STXBP5L: variants seen among roughly 807,000 people sequenced by gnomAD.
The protein encoded by STXBP5L is syntaxin-binding protein 5-like.
Under a neutral mutation model 144.5 loss-of-function variants are expected in STXBP5L, and 65 were observed. The ratio of observed to expected loss-of-function variants is 0.45; its 90% CI spans 0.37 to 0.55. The LOEUF (loss-of-function observed/expected upper bound fraction) is 0.55, where lower values mean the gene tolerates loss of function less well. Ranked by LOEUF, STXBP5L falls within the 20% of genes least tolerant of loss-of-function variation. The pLI, the probability that STXBP5L is intolerant of heterozygous loss-of-function variation, is 0.00. For synonymous variants in STXBP5L, 505 were observed against 469.6 expected (o/e 1.08, Z -0.97); for missense variants, 1,298 against 1,405.5 (o/e 0.92, Z 1.22).
Position 121,212,572 on chromosome 3 carries a change from T to A in STXBP5L, c.956+6571T>A, listed in dbSNP as rs532148127. ...GACTCGGTTCTGTTCCATTGGTCTG[T>A]ATATCTGTTTTGATACCAGAAGCAT... On this transcript the variant is annotated intron_variant, in intron 10 of 26. Transcript: ENST00000471454. Among the ~76,000 whole-genome samples, 28 of 152,184 alleles carry A rather than the reference T, an allele frequency of 1.8e-4. 1 individual carries two copies. The South Asian group carries it at 4.8e-3, about 26-fold the overall frequency.
intron 5 of STXBP5L, among the ~76,000 whole-genome samples, chr3:121,053,420 C>A (rs1214219574): frequency 1.3e-5 from 2 of 152,068 alleles, no homozygotes; most frequent in Non-Finnish European, 2.9e-5. Context: ...CAGAACAGAG[C>A]CCTCAGAAAT....
At chr3:120,996,207 A>G (rs1943334248) in intron 3 of STXBP5L, among the ~76,000 whole-genome samples, 1 of 152,066 alleles carries the variant, frequency 6.6e-6, no homozygotes, top group South Asian at 2.1e-4. Flanking sequence ...TTAAAGCTTA[A>G]TTATGATGTG....
chr3:120,982,388 C>T (rs996415327), intron 3 of STXBP5L, among the ~76,000 whole-genome samples: 1 of 152,136 alleles, frequency 6.6e-6, no homozygotes, highest in Non-Finnish European at 1.5e-5. Context: ...ACATGAGTGG[C>T]AGGGAGAGCT....
Position 121,253,794 on chromosome 3 carries a change from C to A in STXBP5L, c.1442-1101C>A, listed in dbSNP as rs1003836532. 4.5e-5 allele frequency among the ~76,000 whole-genome samples: 6 copies of A among 132,880 alleles called. 1 individual carries two copies. Among genetic ancestry groups the A allele is most frequent in the African/African-American group, 1.5e-4 (5 of 32,532 alleles). 87.2% of individuals were successfully genotyped at this position (132,880 alleles called of 152,430 possible). On this transcript the variant is annotated intron_variant, in intron 15 of 26. Transcript: ENST00000471454. ...CACAGGCGCCCGCCACCACGCCCCG[C>A]TAATTTTTTTTTTTTCTTTTTTTTT...
At chr3:121,172,084 A>C (rs1299874497) in intron 9 of STXBP5L, among the ~76,000 whole-genome samples, 4 of 152,106 alleles carry the variant, frequency 2.6e-5, no homozygotes, top group Admixed American at 6.6e-5. Flanking sequence ...CAAACGTGAC[A>C]AAAACAAGCA....
At position 121,041,887 on chromosome 3, in the gene STXBP5L, T is replaced by C. The variant is rs1576751505; in HGVS notation, c.369+106T>C. On this transcript the variant is annotated intron_variant, in intron 4 of 26. Coordinates refer to ENST00000471454, the MANE Select transcript of STXBP5L (RefSeq NM_001308330.2). ...GTGATTCTAAATGCTTAAATATATA[T>C]GCATGCAATATTACTTCTGATTATA... The C allele has an allele frequency of 1.4e-5, 10 of 702,906 alleles. No homozygotes were observed. In the East Asian group the frequency reaches 2.7e-4, roughly 19 times the overall value. The allele number at this position is 702,906 out of a possible 1,614,324, so 43.5% of individuals were successfully genotyped here. A position where few individuals can be genotyped will look rare whatever the true frequency, so the allele number is the denominator to read the frequency against.
intron 2 of STXBP5L, among the ~76,000 whole-genome samples, chr3:120,918,505 C>G (rs759234487): frequency 2.6e-5 from 4 of 152,174 alleles, no homozygotes; most frequent in Non-Finnish European, 5.9e-5. Flanking sequence ...TTATTTGCTA[C>G]TCTTACATTT....
chr3:121,312,731 AC>A (rs1211331563), intron 19 of STXBP5L, among the ~76,000 whole-genome samples: 2 of 151,846 alleles, frequency 1.3e-5, no homozygotes, highest in Non-Finnish European at 2.9e-5. Context: ...AATCCATTTA[AC>A]GCTGAGTGGA....
intron 22 of STXBP5L, among the ~76,000 whole-genome samples, chr3:121,389,107 G>A (rs1224964068): frequency 2.0e-5 from 3 of 152,118 alleles, no homozygotes; most frequent in African/African-American, 4.8e-5. Flanking sequence ...CTTCTTCTTG[G>A]TTTAGTCTTG....
At chr3:121,126,956 A>G (rs778366128) in intron 7 of STXBP5L, among the ~76,000 whole-genome samples, 1 of 152,162 alleles carries the variant, frequency 6.6e-6, no homozygotes, top group Admixed American at 6.6e-5. Flanking sequence ...CTTTCTCACC[A>G]CAACTGGGAA....
chr3:121,179,292 C>T (rs1287025569), intron 9 of STXBP5L, among the ~76,000 whole-genome samples: 1 of 151,792 alleles, frequency 6.6e-6, no homozygotes, highest in Admixed American at 6.6e-5. Context: ...AAAGCCAGTG[C>T]ACAGAGACTT....
At chr3:121,385,384 T>C (rs1209128879) in intron 22 of STXBP5L, among the ~76,000 whole-genome samples, 1 of 152,120 alleles carries the variant, frequency 6.6e-6, no homozygotes, top group Non-Finnish European at 1.5e-5. Flanking sequence ...CCAGATCTTA[T>C]GTGAACTAGC....
chr3:121,077,826 CGATT>C (rs1379401145), intron 5 of STXBP5L, among the ~76,000 whole-genome samples: 1 of 151,990 alleles, frequency 6.6e-6, no homozygotes, highest in Admixed American at 6.5e-5. Context: ...GATAGAGTGT[CGATT>C]GGTGCATTCA....
intron 19 of STXBP5L, among the ~76,000 whole-genome samples, chr3:121,302,885 A>G (rs182064602): frequency 7.9e-5 from 12 of 152,320 alleles, no homozygotes; most frequent in African/African-American, 2.9e-4. Context: ...TTAATTCAAG[A>G]TGGATTAAAG....
At chr3:120,935,156 T>C (rs1399129289) in intron 2 of STXBP5L, among the ~76,000 whole-genome samples, 1 of 151,896 alleles carries the variant, frequency 6.6e-6, no homozygotes. Context: ...TCTTATTAAT[T>C]CTACTTATTT....
At chr3:120,966,536 G>A (rs946366188) in intron 3 of STXBP5L, among the ~76,000 whole-genome samples, 33 of 152,126 alleles carry the variant, frequency 2.2e-4, no homozygotes, top group African/African-American at 8.0e-4. Flanking sequence ...TAACAGTCAG[G>A]TCCCTCAACT....
At chr3:121,175,380 A>T (rs1231477890) in intron 9 of STXBP5L, among the ~76,000 whole-genome samples, 4 of 152,124 alleles carry the variant, frequency 2.6e-5, no homozygotes, top group African/African-American at 7.2e-5. Flanking sequence ...AAATATGTTC[A>T]TCTCCAAGCA....
intron 10 of STXBP5L, among the ~76,000 whole-genome samples, chr3:121,214,460 T>TTTTGTC (rs2048699813): frequency 6.6e-6 from 1 of 152,346 alleles, no homozygotes; most frequent in Middle Eastern, 3.4e-3. Context: ...TTAATTTCAT[T>TTTTGTC]ATTTACCCAG....
chr3:121,258,921 G>A, intron 17 of STXBP5L, 122 bp from the exon 18 acceptor site: 2 of 930,084 alleles, frequency 2.2e-6, no homozygotes, highest in Non-Finnish European at 2.9e-6. Context: ...CCATCCATCT[G>A]CATGCTGCCT....
Sources: gnomAD v4.1 joint callset for allele counts (sites outside exome capture counted in the v4.1 genomes callset) on GRCh38, gnomAD v4.1.1 for gene constraint, MANE v1.5 for transcripts, NCBI Gene and HGNC (gene_info 2026-07-23, HGNC 2026-07-21) for gene names.